Variants in ATP10B observed in about 807,000 individuals in gnomAD.
ATP10B encodes the protein ATPase phospholipid transporting 10B (putative).
Under a neutral mutation model 141.2 loss-of-function variants are expected in ATP10B, and 122 were observed. The observed-to-expected ratio is 0.86, with a 90% CI of 0.75 to 1.00. The LOEUF is 1.00. Ranked by LOEUF, ATP10B falls within the 50% of genes least tolerant of loss-of-function variation. The probability of loss-of-function intolerance (pLI) is 0.00; values close to 1 mark genes in which losing one functional copy is unlikely to be tolerated. For synonymous variants in ATP10B, 685 were observed against 692.0 expected, an observed-to-expected ratio of 0.99 and a Z score of 0.16; for missense variants, 1,876 against 1,825.3, an observed-to-expected ratio of 1.03 and a Z score of -0.51.
At chr5:160,626,626 C>T (rs182398055) in intron 13 of ATP10B, among the ~76,000 whole-genome samples, 23 of 152,328 alleles carry the variant, frequency 1.5e-4, no homozygotes, top group Admixed American at 1.4e-3. Flanking sequence ...GTACACATGT[C>T]AACTGGGGAT....
rs747364894 is a variant in ATP10B at position 160,617,958 on chromosome 5, A to T, written c.2432T>A (p.Met811Lys). The T allele has an allele frequency of 6.2e-7, 1 of 1,614,040 alleles. No individual in the cohort carries two copies. Reference sequence around the variant, plus strand: ...TCGGATTTTTCTCAGCTTCTTTTCCATATTAATGTCAGGTACTGTCAAATA... The same window carrying T: ...TCGGATTTTTCTCAGCTTCTTTTCCTTATTAATGTCAGGTACTGTCAAATA... ...EDPACVPDIN[M>K]EKKLRKIRAR... Residue 811 changes from methionine (M) to lysine (K), a missense_variant, in exon 16 of 26, where the codon ATG becomes AAG. Physicochemically the swap from Met to Lys is moderately conservative, Grantham distance 95. Coordinates refer to ENST00000327245, the MANE Select transcript of ATP10B (RefSeq NM_025153.3).
intron 7 of ATP10B, among the ~76,000 whole-genome samples, chr5:160,652,875 T>TATAATTATAC (rs1760895600): frequency 1.1e-5 from 1 of 95,218 alleles, no homozygotes; most frequent in African/African-American, 4.1e-5. Context: ...ATAATATATA[T>TATAATTATAC]AATATATATA....
intron 2 of ATP10B, among the ~76,000 whole-genome samples, chr5:160,722,719 C>G (rs929698044): frequency 6.6e-6 from 1 of 152,208 alleles, no homozygotes; most frequent in South Asian, 2.1e-4. Flanking sequence ...TTCACCCTGA[C>G]AAGGGGCCTC....
intron 1 of ATP10B, among the ~76,000 whole-genome samples, chr5:160,795,812 T>C (rs1232578597): frequency 1.3e-5 from 2 of 151,562 alleles, no homozygotes; most frequent in Non-Finnish European, 2.9e-5. Flanking sequence ...GCTAGAAGAG[T>C]CAAATAATGG....
At chr5:160,650,133 T>TATATATATATACACAC (rs1760613036) in intron 7 of ATP10B, among the ~76,000 whole-genome samples, 2 of 148,662 alleles carry the variant, frequency 1.3e-5, no homozygotes, top group African/African-American at 5.0e-5. Context: ...TATATATATA[T>TATATATATATACACAC]ACACACACAC....
At chr5:160,574,203 G>T (rs1459403368) in intron 24 of ATP10B, among the ~76,000 whole-genome samples, 1 of 152,198 alleles carries the variant, frequency 6.6e-6, no homozygotes, top group African/African-American at 2.4e-5. Flanking sequence ...GCCATGGTGG[G>T]TGGATCACTT....
At position 160,823,025 on chromosome 5, in the gene ATP10B, T is replaced by C. The variant is rs1157349513; in HGVS notation, c.-576+28916A>G. Among the ~76,000 whole-genome samples the C allele has an allele frequency of 6.5e-5, 8 of 122,522 alleles. No homozygotes were observed. In the Admixed American group the frequency reaches 6.6e-4, roughly 10 times the overall value. 80.4% of individuals were successfully genotyped at this position (122,522 alleles called of 152,430 possible). ...ACATATATATATATATATATATATA[T>C]ATATATATATAAAATAAAGAGTGTA... On this transcript the variant is annotated intron_variant, in intron 1 of 25. Coordinates refer to ENST00000327245, the MANE Select transcript of ATP10B (RefSeq NM_025153.3).
the ATP10B span, among the ~76,000 whole-genome samples, chr5:160,869,400 A>T: frequency 5.5e-4 from 83 of 152,280 alleles, no homozygotes; most frequent in Non-Finnish European, 6.0e-4. Flanking sequence ...AATATTATTT[A>T]AAAAGCCTGA....
chr5:160,598,256 A>G (rs2127620929), intron 22 of ATP10B, among the ~76,000 whole-genome samples: 1 of 152,130 alleles, frequency 6.6e-6, no homozygotes, highest in African/African-American at 2.4e-5. Flanking sequence ...ATGAAATTGG[A>G]AATCATCATT....
chr5:160,678,469 G>C (rs2127735742), intron 6 of ATP10B, among the ~76,000 whole-genome samples: 1 of 152,244 alleles, frequency 6.6e-6, no homozygotes, highest in Middle Eastern at 3.4e-3. Flanking sequence ...GATCAGCTTG[G>C]TCAATATAGT....
rs943831239 is a variant in ATP10B, at chr5:160,652,607, C to T, written c.676-3351G>A. Among the ~76,000 whole-genome samples the T allele has an allele frequency of 9.9e-5, 14 of 141,442 alleles. 2 individuals are homozygous for T. The South Asian group carries it at 2.9e-3, about 29-fold the overall frequency. 92.8% of individuals were successfully genotyped at this position (141,442 alleles called of 152,430 possible). On this transcript the variant is annotated intron_variant, in intron 7 of 25. Coordinates refer to ENST00000327245, the MANE Select transcript of ATP10B (RefSeq NM_025153.3). ...CTGAGTAGCTGGGACTACAGGCGTGCACCACCAGACCTGACGAATTTTATA... is the reference window on the plus strand; with the variant it reads ...CTGAGTAGCTGGGACTACAGGCGTGTACCACCAGACCTGACGAATTTTATA...
At chr5:160,772,418 G>A (rs888829525) in intron 2 of ATP10B, among the ~76,000 whole-genome samples, 2 of 152,134 alleles carry the variant, frequency 1.3e-5, no homozygotes, top group Non-Finnish European at 2.9e-5. Context: ...GGTGTCTGTG[G>A]GATGTGGCTG....
chr5:160,896,756 C>A, the ATP10B span, among the ~76,000 whole-genome samples: 1 of 152,080 alleles, frequency 6.6e-6, no homozygotes, highest in African/African-American at 2.4e-5. Flanking sequence ...AAATTTCAGG[C>A]CAATATCCCT....
At chr5:160,760,468 T>C (rs1368144818) in intron 2 of ATP10B, among the ~76,000 whole-genome samples, 1 of 152,190 alleles carries the variant, frequency 6.6e-6, no homozygotes, top group Non-Finnish European at 1.5e-5. Flanking sequence ...CCCCGTTCTT[T>C]TGGATTATAT....
intron 17 of ATP10B, 60 bp downstream of exon 17, chr5:160,615,778 G>C: frequency 6.3e-7 from 1 of 1,583,858 alleles, no homozygotes; most frequent in Admixed American, 1.7e-5. Context: ...GGGGCCAAGA[G>C]CTCCCTTCTC....
At chr5:160,752,880 G>A (rs1314720142) in intron 2 of ATP10B, among the ~76,000 whole-genome samples, 1 of 152,194 alleles carries the variant, frequency 6.6e-6, no homozygotes, top group Non-Finnish European at 1.5e-5. Context: ...AGGGATCATG[G>A]GGTGTGTGGG....
chr5:160,776,729 G>A (rs1770354437), intron 2 of ATP10B, among the ~76,000 whole-genome samples: 1 of 152,144 alleles, frequency 6.6e-6, no homozygotes, highest in East Asian at 1.9e-4. Flanking sequence ...TTGGCCCAAG[G>A]GAAAGGTTCA....
intron 3 of ATP10B, among the ~76,000 whole-genome samples, chr5:160,690,136 G>A (rs1281135011): frequency 2.6e-5 from 4 of 152,150 alleles, no homozygotes; most frequent in Admixed American, 2.6e-4. Flanking sequence ...AATGGTGCTG[G>A]GAAAGCTGAC....
At chr5:160,829,299 T>C (rs144817544) in intron 1 of ATP10B, among the ~76,000 whole-genome samples, 2 of 152,252 alleles carry the variant, frequency 1.3e-5, no homozygotes, top group East Asian at 3.9e-4. Context: ...TTTTCTGTTC[T>C]GTTTGATGGA....
Sources: gnomAD v4.1 joint callset for allele counts (sites outside exome capture counted in the v4.1 genomes callset) on GRCh38, gnomAD v4.1.1 for gene constraint, MANE v1.5 for transcripts, NCBI Gene and HGNC (gene_info 2026-07-23, HGNC 2026-07-21) for gene names.